Variants in TENT5D observed in about 807,000 individuals in gnomAD.
TENT5D encodes cancer/testis antigen 112.
For missense variants in TENT5D, 191 were observed against 287.0 expected (o/e 0.67, Z 2.42); for synonymous variants, 103 against 100.6 (o/e 1.02, Z -0.15).
At chrX:80,388,513 A>G (rs1468818363) in intron 3 of TENT5D, among the ~76,000 whole-genome samples, 2 of 111,668 alleles carry the variant, frequency 1.8e-5, no homozygotes, top group African/African-American at 3.3e-5. Context: ...CTTCTGGCCC[A>G]GTATATTTCT....
chrX:80,407,840 C>G (rs1474605242), intron 3 of TENT5D, among the ~76,000 whole-genome samples: 47 of 106,814 alleles, frequency 4.4e-4, no homozygotes, highest in African/African-American at 1.5e-3. Context: ...AAATTGACCA[C>G]ATAGTTGGAA....
chrX:80,401,601 G>T (rs1193945608), intron 3 of TENT5D, among the ~76,000 whole-genome samples: 2 of 111,370 alleles, frequency 1.8e-5, no homozygotes, highest in African/African-American at 6.5e-5. Flanking sequence ...CTAATTTTTT[G>T]AGTGTATTTA....
At chrX:80,379,438 G>T (rs1930807150) in intron 3 of TENT5D, among the ~76,000 whole-genome samples, 1 of 110,484 alleles carries the variant, frequency 9.1e-6, no homozygotes, top group Non-Finnish European at 1.9e-5. Context: ...GCCAGGCTTT[G>T]GTATCAGGAT....
intron 1 of TENT5D, among the ~76,000 whole-genome samples, chrX:80,421,987 A>G (rs1931894191): frequency 9.0e-6 from 1 of 111,001 alleles, no homozygotes; most frequent in South Asian, 3.8e-4. Context: ...GAGGTTGGGA[A>G]TTCATGGGGC....
At chrX:80,344,737 C>T (rs1425988620) in intron 3 of TENT5D, among the ~76,000 whole-genome samples, 3 of 110,900 alleles carry the variant, frequency 2.7e-5, no homozygotes, top group Non-Finnish European at 5.7e-5. Flanking sequence ...GTTAAGCACA[C>T]ATTTCAAAAA....
At chrX:80,426,488 A>G (rs1239952060) in intron 1 of TENT5D, among the ~76,000 whole-genome samples, 1 of 111,808 alleles carries the variant, frequency 8.9e-6, no homozygotes, top group African/African-American at 3.2e-5. Context: ...TGAGATTTTT[A>G]CAAACCTTTT....
At chrX:80,377,711 T>C (rs1930763544) in intron 3 of TENT5D, among the ~76,000 whole-genome samples, 2 of 112,200 alleles carry the variant, frequency 1.8e-5, no homozygotes, top group African/African-American at 6.5e-5. Flanking sequence ...TGCATGTGTC[T>C]TTATAGTAGC....
chrX:80,358,647 G>A lies in TENT5D; in HGVS notation c.-142+16083G>A, dbSNP rs1226532596. On this transcript the variant is annotated intron_variant, in intron 3 of 4. Coordinates refer to the TENT5D transcript ENST00000538312. ...ATATCATCGTACAAATGTCATAATAGTCAGGACTTACCTTTGTTGAATCTA... is the reference window on the plus strand; with the variant it reads ...ATATCATCGTACAAATGTCATAATAATCAGGACTTACCTTTGTTGAATCTA... 2.7e-5 allele frequency among the ~76,000 whole-genome samples: 3 copies of A among 111,851 alleles called. No homozygotes were observed. The Admixed American group carries it at 2.9e-4, about 11-fold the overall frequency.
intron 1 of TENT5D, among the ~76,000 whole-genome samples, chrX:80,437,523 C>A (rs1932204803): frequency 9.0e-6 from 1 of 111,188 alleles, no homozygotes; most frequent in Non-Finnish European, 1.9e-5. Flanking sequence ...TCTTATTGAA[C>A]ACAGTATGGA....
At chrX:80,404,596 C>T (rs771975432) in intron 3 of TENT5D, among the ~76,000 whole-genome samples, 16 of 111,815 alleles carry the variant, frequency 1.4e-4, no homozygotes, top group South Asian at 3.7e-4. Flanking sequence ...TCATCTCTTC[C>T]GCAATAGTTT....
chrX:80,338,290 T>C (rs183950520), intron 2 of TENT5D, among the ~76,000 whole-genome samples: 7 of 111,703 alleles, frequency 6.3e-5, no homozygotes, highest in African/African-American at 2.0e-4. Context: ...GGGGACCTAA[T>C]TAACTCTACT....
rs1330177362 is a variant in TENT5D, at chrX:80,406,082, C to T, written c.-141-32528C>T. ...AACTAACAAACAGAAAGGACATCCA[C>T]ACCAAAAACCCATCTGTACATCACC... is the stretch of plus-strand genomic sequence containing the variant. On this transcript the variant is annotated intron_variant, in intron 3 of 4. Transcript: ENST00000538312. Among the ~76,000 whole-genome samples the T allele has an allele frequency of 3.6e-5, 4 of 109,688 alleles. No homozygotes were observed. The Admixed American group carries it at 3.9e-4, about 11-fold the overall frequency.
intron 3 of TENT5D, among the ~76,000 whole-genome samples, chrX:80,381,717 A>G (rs1278991995): frequency 8.9e-6 from 1 of 111,813 alleles, no homozygotes; most frequent in East Asian, 2.8e-4. Flanking sequence ...TTGATCTTCA[A>G]TCACTGATAC....
chrX:80,395,433 G>A (rs1041329488), intron 3 of TENT5D, among the ~76,000 whole-genome samples: 1 of 111,831 alleles, frequency 8.9e-6, no homozygotes, highest in Admixed American at 9.5e-5. Context: ...ATTCTTGGAA[G>A]AGCCTGTATA....
At chrX:80,335,869 A>G (rs1367320068) in intron 2 of TENT5D, among the ~76,000 whole-genome samples, 2 of 111,570 alleles carry the variant, frequency 1.8e-5, no homozygotes, top group Non-Finnish European at 3.8e-5. Context: ...CTTAATAGGT[A>G]AAGTTTATGT....
intron 3 of TENT5D, among the ~76,000 whole-genome samples, chrX:80,348,899 C>T (rs1047371315): frequency 2.3e-4 from 26 of 112,064 alleles, no homozygotes; most frequent in African/African-American, 8.4e-4. Context: ...AAGTCCTTTT[C>T]TGCATCTATT....
chrX:80,337,682 A>T (rs1330622793), intron 2 of TENT5D, among the ~76,000 whole-genome samples: 1 of 112,337 alleles, frequency 8.9e-6, no homozygotes, highest in Non-Finnish European at 1.9e-5. Flanking sequence ...TAAATATGTT[A>T]GGATGAAATC....
At chrX:80,399,041 T>C (rs1375884312) in intron 3 of TENT5D, among the ~76,000 whole-genome samples, 1 of 112,065 alleles carries the variant, frequency 8.9e-6, no homozygotes, top group Non-Finnish European at 1.9e-5. Flanking sequence ...TTTGCAGATA[T>C]TTTCTCCCAA....
chrX:80,438,540 G>A (rs1001072442), intron 1 of TENT5D, 70 bp from the exon 2 acceptor site: 1 of 109,308 alleles, frequency 9.1e-6, no homozygotes, highest in Non-Finnish European at 1.9e-5. Flanking sequence ...TGTCGGCCAT[G>A]GGGCATCATT....
Sources: gnomAD v4.1 joint callset for allele counts (sites outside exome capture counted in the v4.1 genomes callset) on GRCh38, gnomAD v4.1.1 for gene constraint, MANE v1.5 for transcripts, NCBI Gene and HGNC (gene_info 2026-07-23, HGNC 2026-07-21) for gene names.